SLFN5: variants seen among roughly 807,000 people sequenced by gnomAD.
The protein encoded by SLFN5 is schlafen family member 5.
Under a neutral mutation model 48.5 loss-of-function variants are expected in SLFN5, and 34 were observed. The ratio of observed to expected loss-of-function variants is 0.70; its 90% CI spans 0.53 to 0.93. The LOEUF is 0.93. Ranked by LOEUF, SLFN5 falls within the 40% of genes least tolerant of loss-of-function variation. The pLI is 0.00. For missense variants in SLFN5, 1,006 were observed against 1,071.3 expected (o/e 0.94, Z 0.85); for synonymous variants, 387 against 396.2 (o/e 0.98, Z 0.28).
chr17:35,255,887 T>A (rs1210907058), intron 1 of SLFN5, among the ~76,000 whole-genome samples: 1 of 152,216 alleles, frequency 6.6e-6, no homozygotes, highest in Non-Finnish European at 1.5e-5. Context: ...AGCCACTATT[T>A]TGAATGTTCT....
intron 2 of SLFN5, 100 bp from the exon 3 acceptor site, chr17:35,260,871 C>T (rs1904500746): frequency 7.0e-6 from 10 of 1,438,294 alleles, no homozygotes; most frequent in Non-Finnish European, 9.3e-6. Context: ...TGGGCCGTGG[C>T]TTGAGTTGTA....
chr17:35,267,598 G>C lies in SLFN5; in HGVS notation c.*1710G>C, dbSNP rs1218868265. 1 of 151,990 alleles carries C rather than the reference G, an allele frequency of 6.6e-6. No individual in the cohort carries two copies. Among genetic ancestry groups the C allele is most frequent in the African/African-American group, 2.4e-5 (1 of 41,352 alleles). 9.4% of individuals were successfully genotyped at this position (151,990 alleles called of 1,614,324 possible). On this transcript the variant is annotated 3_prime_UTR_variant, in exon 5 of 5. Transcript: ENST00000299977. Reference sequence around the variant, plus strand: ...AGCTGGGAATGGTGATGCACACCTGGAGTCCTAGCTACTCAGAAGGCTGAG... The same window carrying C: ...AGCTGGGAATGGTGATGCACACCTGCAGTCCTAGCTACTCAGAAGGCTGAG...
rs756309958 is a variant in SLFN5, at chr17:35,259,467, TAAG to T, written c.781_783del (p.Lys261del). The T allele has an allele frequency of 3.7e-6, 6 of 1,614,218 alleles. No individual in the cohort carries two copies. The highest frequency in any genetic ancestry group is 5.1e-6 in the Non-Finnish European group (6 of 1,180,044). ...TGAGGGCTTCTATTGATGGCTGTAT[TAAG>T]AAGCTACCTGTCCATCATTTCTGCA... On this transcript the variant is annotated inframe_deletion, in exon 2 of 5. Coordinates refer to ENST00000299977, the MANE Select transcript of SLFN5 (RefSeq NM_144975.4).
rs774498665 is a variant in SLFN5 at position 35,258,751 on chromosome 17, G to A, written c.61G>A (p.Val21Ile). The stretch of plus-strand genomic sequence containing the variant: ...TGAGTGTGTTGTAGATGCAGGAAAA[G>A]TCACCCTTGGGACTCAGCAGAGGCA... ...FPECVVDAGKVTLGTQQRQEM... is the reference protein window; with the variant it reads ...FPECVVDAGKITLGTQQRQEM... Residue 21 changes from valine (V) to isoleucine (I), a missense_variant, in exon 2 of 5, where the codon GTC (valine) becomes ATC (isoleucine). By Grantham distance (29) the Val-to-Ile change is conservative. Coordinates refer to ENST00000299977, the MANE Select transcript of SLFN5 (RefSeq NM_144975.4). 2 of 1,614,186 alleles carry A rather than the reference G, an allele frequency of 1.2e-6. No individual in the cohort carries two copies. Among genetic ancestry groups the A allele is most frequent in the Admixed American group, 1.7e-5 (1 of 60,028 alleles).
intron 1 of SLFN5, among the ~76,000 whole-genome samples, chr17:35,251,081 A>T (rs1412339886): frequency 1.3e-5 from 2 of 152,180 alleles, no homozygotes; most frequent in Non-Finnish European, 2.9e-5. Context: ...GTCCAAACAT[A>T]AAGACCTCCT....
At position 35,270,854 on chromosome 17, in the gene SLFN5, G is replaced by C. The variant is rs540195927; in HGVS notation, c.*4966G>C. 3 of 152,228 alleles carry C rather than the reference G, an allele frequency of 2.0e-5. No homozygotes were observed. The East Asian group carries it at 5.8e-4, about 29-fold the overall frequency. The allele number at this position is 152,228 out of a possible 1,614,324, so 9.4% of individuals were successfully genotyped here. A position where few individuals can be genotyped will look rare whatever the true frequency, so the allele number is the denominator to read the frequency against. ...CAGACATCGCCAAATGTCCCTTGGG[G>C]GGTAAAATCACCACCACCATACCTC... On this transcript the variant is annotated 3_prime_UTR_variant, in exon 5 of 5. Coordinates refer to ENST00000299977, the MANE Select transcript of SLFN5 (RefSeq NM_144975.4).
chr17:35,263,090 A>G (rs913986538), intron 3 of SLFN5, among the ~76,000 whole-genome samples: 4 of 152,092 alleles, frequency 2.6e-5, no homozygotes, highest in African/African-American at 7.2e-5. Context: ...GATGTCAGCA[A>G]CACAAACTGC....
intron 1 of SLFN5, among the ~76,000 whole-genome samples, chr17:35,243,568 C>T (rs2092423923): frequency 6.6e-6 from 1 of 152,218 alleles, no homozygotes; most frequent in Non-Finnish European, 1.5e-5. Context: ...CAGTCTATTA[C>T]AAGAGGCTTT....
chr17:35,251,914 A>G (rs1173091226), intron 1 of SLFN5, among the ~76,000 whole-genome samples: 1 of 151,896 alleles, frequency 6.6e-6, no homozygotes, highest in Non-Finnish European at 1.5e-5. Flanking sequence ...GGGTTTCACC[A>G]TGTTGGCCAG....
In SLFN5 at chr17:35,271,631, A is replaced by T. The variant is rs1904833577; in HGVS notation, c.*5743A>T. Reference sequence around the variant, plus strand: ...GCAGACCACGTTTTTGGATAAGAAGATTAAAAATTATAAATATATCAATTT... The same window carrying T: ...GCAGACCACGTTTTTGGATAAGAAGTTTAAAAATTATAAATATATCAATTT... On this transcript the variant is annotated 3_prime_UTR_variant, in exon 5 of 5. Coordinates refer to ENST00000299977, the MANE Select transcript of SLFN5 (RefSeq NM_144975.4). The T allele has an allele frequency of 6.6e-6, 1 of 152,248 alleles. No homozygotes were observed. Among genetic ancestry groups the T allele is most frequent in the East Asian group, 1.9e-4 (1 of 5,202 alleles). The allele number at this position is 152,248 out of a possible 1,614,324, so 9.4% of individuals were successfully genotyped here.
In SLFN5 at chr17:35,271,495, C is replaced by A. The variant is rs932990299; in HGVS notation, c.*5607C>A. The A allele has an allele frequency of 2.6e-5, 4 of 151,872 alleles. No individual in the cohort carries two copies. The highest frequency in any genetic ancestry group is 9.7e-5 in the African/African-American group (4 of 41,360). 9.4% of individuals were successfully genotyped at this position (151,872 alleles called of 1,614,324 possible). On this transcript the variant is annotated 3_prime_UTR_variant, in exon 5 of 5. Transcript: ENST00000299977. ...AGAAAAAGCCATATTATAATTCCAACAAAAAGATAAAATAATTAAGAATAA... is the reference window on the plus strand; with the variant it reads ...AGAAAAAGCCATATTATAATTCCAAAAAAAAGATAAAATAATTAAGAATAA...
rs947398508 is a variant in SLFN5 at position 35,267,416 on chromosome 17, G to A, written c.*1528G>A. 3 of 152,134 alleles carry A rather than the reference G, an allele frequency of 2.0e-5. No homozygotes were observed. The highest frequency in any genetic ancestry group is 7.2e-5 in the African/African-American group (3 of 41,400). 9.4% of individuals were successfully genotyped at this position (152,134 alleles called of 1,614,324 possible). ...AAATTTAAAAACTAGAAAAGGTTGG[G>A]CATGGTGGCTCATGCTTGTGATCCC... is the stretch of plus-strand genomic sequence containing the variant. On this transcript the variant is annotated 3_prime_UTR_variant, in exon 5 of 5. Transcript: ENST00000299977.
rs574427587 is a variant in SLFN5, at chr17:35,269,264, G to T, written c.*3376G>T. ...ACCCATGAATCATTCTTGAAGAAAA[G>T]TTACTCAGTAAGGAAATCTAGCTAA... On this transcript the variant is annotated 3_prime_UTR_variant, in exon 5 of 5. Transcript: ENST00000299977. The T allele has an allele frequency of 6.6e-6, 1 of 152,136 alleles. No individual in the cohort carries two copies. Among genetic ancestry groups the T allele is most frequent in the South Asian group, 2.1e-4 (1 of 4,832 alleles). 9.4% of individuals were successfully genotyped at this position (152,136 alleles called of 1,614,324 possible).
At chr17:35,246,856 A>G (rs866545559) in intron 1 of SLFN5, among the ~76,000 whole-genome samples, 1 of 101,380 alleles carries the variant, frequency 9.9e-6, no homozygotes, top group African/African-American at 5.0e-5. Flanking sequence ...TCCATCTCAG[A>G]AAAAAAAAAA....
At chr17:35,251,595 C>T (rs569241288) in intron 1 of SLFN5, among the ~76,000 whole-genome samples, 1 of 149,374 alleles carries the variant, frequency 6.7e-6, no homozygotes, top group Non-Finnish European at 1.5e-5. Context: ...TTAGTAGAGA[C>T]GGGGTTTCAC....
Position 35,265,117 on chromosome 17 carries a change from CA to C in SLFN5, c.1906del (p.Met636Ter), listed in dbSNP as rs1904637876. 2.5e-6 allele frequency: 4 copies of C among 1,613,600 alleles called. No homozygotes were observed. The African/African-American group carries it at 5.3e-5, about 22-fold the overall frequency. The part of the protein sequence containing the change: ...ICQPVTRKTF[M>X]KNNFEHIQHI... ...GCCAGCCAGTGACCCGGAAAACCTT[CA>C]TGAAAAACAACTTTGAACACATCCA... On this transcript the variant is annotated frameshift_variant, in exon 5 of 5. Transcript: ENST00000299977. LOFTEE classifies it low-confidence loss of function (END_TRUNC).
In SLFN5 at chr17:35,250,305, C is replaced by T. The variant is rs148501626; in HGVS notation, c.-41+7162C>T. Among the ~76,000 whole-genome samples, 289 of 152,300 alleles carry T rather than the reference C, an allele frequency of 1.9e-3. 2 individuals are homozygous for T. Among genetic ancestry groups the T allele is most frequent in the African/African-American group, 6.3e-3 (261 of 41,552 alleles). ...TGCCTTGGGAAGGACAATGGTATAA[C>T]TGGACAGTCATACTCCAGAGATTCA... On this transcript the variant is annotated intron_variant, in intron 1 of 4. Coordinates refer to ENST00000299977, the MANE Select transcript of SLFN5 (RefSeq NM_144975.4).
intron 1 of SLFN5, among the ~76,000 whole-genome samples, chr17:35,250,753 A>G (rs914103559): frequency 1.3e-5 from 2 of 152,148 alleles, no homozygotes; most frequent in Non-Finnish European, 2.9e-5. Context: ...TACTTTGTTC[A>G]GAGAACAAGG....
intron 3 of SLFN5, among the ~76,000 whole-genome samples, chr17:35,262,249 A>C (rs1010610913): frequency 6.6e-6 from 1 of 151,736 alleles, no homozygotes; most frequent in African/African-American, 2.4e-5. Flanking sequence ...GTGTGGTGGC[A>C]TGCGCCTGTG....
Sources: gnomAD v4.1 joint callset for allele counts (sites outside exome capture counted in the v4.1 genomes callset) on GRCh38, gnomAD v4.1.1 for gene constraint, MANE v1.5 for transcripts, NCBI Gene and HGNC (gene_info 2026-07-23, HGNC 2026-07-21) for gene names.